Variants in ADAM32 observed in about 807,000 individuals in gnomAD.
ADAM32 encodes ADAM metallopeptidase domain 32.
In ADAM32, 89 loss-of-function variants were observed where a neutral mutation model predicts 114.9. That is an observed-to-expected ratio of 0.77 (90% confidence interval 0.65 to 0.92). The LOEUF (loss-of-function observed/expected upper bound fraction) is 0.92. Among genes scored for constraint, ADAM32 ranks in the 40% least tolerant of loss-of-function variants. The pLI is 0.00. For missense variants in ADAM32, 870 were observed against 932.8 expected (o/e 0.93, Z 0.88); for synonymous variants, 285 against 307.5 (o/e 0.93, Z 0.77).
intron 10 of ADAM32, among the ~76,000 whole-genome samples, chr8:39,178,630 A>C (rs1407985379): frequency 2.6e-5 from 4 of 151,732 alleles, no homozygotes; most frequent in Non-Finnish European, 5.9e-5. Context: ...TTTTGCATTG[A>C]TTTTTCTCAT....
At chr8:39,174,690 TGA>T (rs1419600831) in intron 10 of ADAM32, among the ~76,000 whole-genome samples, 5 of 111,860 alleles carry the variant, frequency 4.5e-5, no homozygotes, top group Non-Finnish European at 9.0e-5. Flanking sequence ...ACCCAGAGTG[TGA>T]TAGTTTTTTT....
At chr8:39,183,009 A>G (rs560755598) in intron 10 of ADAM32, among the ~76,000 whole-genome samples, 1 of 152,322 alleles carries the variant, frequency 6.6e-6, no homozygotes, top group East Asian at 1.9e-4. Flanking sequence ...TCCGTGGTCT[A>G]GTGAGACCAC....
intron 22 of ADAM32, among the ~76,000 whole-genome samples, chr8:39,278,723 T>C (rs1439228444): frequency 6.6e-6 from 1 of 152,038 alleles, no homozygotes; most frequent in East Asian, 1.9e-4. Flanking sequence ...TATCAGTTGC[T>C]TTGCTCTCAC....
chr8:39,216,491 T>C (rs916201194), intron 12 of ADAM32, among the ~76,000 whole-genome samples: 1 of 151,948 alleles, frequency 6.6e-6, no homozygotes, highest in Admixed American at 6.6e-5. Flanking sequence ...CTCTTTCCTT[T>C]CCTTCCCTTC....
rs150321881 is a variant in ADAM32 at position 39,251,775 on chromosome 8, T to G, written c.1903-2639T>G. ...TGTTTCCTGTGCTTTTGAGGTTATA[T>G]CCAAAAAATAATTACATAATCAGTG... On this transcript the variant is annotated intron_variant, in intron 17 of 24. Coordinates refer to ENST00000379907, the MANE Select transcript of ADAM32 (RefSeq NM_145004.7). Among the ~76,000 whole-genome samples, 643 of 151,726 alleles carry G rather than the reference T, an allele frequency of 4.2e-3. 2 individuals carry two copies. Among genetic ancestry groups the G allele is most frequent in the African/African-American group, 0.015 (613 of 41,518 alleles).
intron 11 of ADAM32, among the ~76,000 whole-genome samples, chr8:39,191,903 A>C (rs1806637902): frequency 6.6e-6 from 1 of 152,154 alleles, no homozygotes; most frequent in Non-Finnish European, 1.5e-5. Context: ...TAAGTCTTTA[A>C]TCAATCTTGA....
intron 10 of ADAM32, among the ~76,000 whole-genome samples, chr8:39,173,975 C>G (rs1805355447): frequency 1.3e-5 from 2 of 152,172 alleles, no homozygotes; most frequent in South Asian, 4.1e-4. Context: ...CAGACGTGCA[C>G]TGCCACACTT....
intron 12 of ADAM32, among the ~76,000 whole-genome samples, chr8:39,220,729 T>G (rs1449520265): frequency 2.6e-5 from 4 of 152,100 alleles, no homozygotes; most frequent in Non-Finnish European, 5.9e-5. Context: ...TTTTCTAAGT[T>G]CTTGTTATTG....
intron 6 of ADAM32, among the ~76,000 whole-genome samples, chr8:39,152,597 C>T (rs1803899127): frequency 2.0e-5 from 3 of 152,186 alleles, no homozygotes; most frequent in Admixed American, 2.0e-4. Flanking sequence ...TGGCAGACGC[C>T]TGTAATCCCA....
intron 11 of ADAM32, among the ~76,000 whole-genome samples, chr8:39,204,924 G>A (rs552736944): frequency 2.7e-4 from 41 of 152,324 alleles, no homozygotes; most frequent in East Asian, 1.2e-3. Context: ...TATCAGCAGC[G>A]GAAGCTGTAG....
At chr8:39,171,660 T>A (rs930033095) in intron 10 of ADAM32, among the ~76,000 whole-genome samples, 1 of 152,088 alleles carries the variant, frequency 6.6e-6, no homozygotes, top group African/African-American at 2.4e-5. Context: ...ATAATTTCCA[T>A]TTAAGTTCTT....
intron 19 of ADAM32, among the ~76,000 whole-genome samples, chr8:39,260,611 A>G (rs1458517850): frequency 6.6e-6 from 1 of 152,160 alleles, no homozygotes; most frequent in Non-Finnish European, 1.5e-5. Context: ...CCACTTGATC[A>G]TGGTGTATCA....
intron 3 of ADAM32, among the ~76,000 whole-genome samples, chr8:39,141,090 T>TTA (rs1803123907): frequency 6.6e-6 from 1 of 152,186 alleles, no homozygotes; most frequent in Non-Finnish European, 1.5e-5. Flanking sequence ...TTTTCTTCTT[T>TTA]ATTAGTCTTG....
chr8:39,137,906 G>T (rs1220102949), intron 3 of ADAM32, among the ~76,000 whole-genome samples: 2 of 152,164 alleles, frequency 1.3e-5, no homozygotes, highest in Non-Finnish European at 2.9e-5. Flanking sequence ...AAAGATCTTT[G>T]TGAAGAGTAT....
chr8:39,264,798 G>A (rs7013701), intron 19 of ADAM32, among the ~76,000 whole-genome samples: 41,196 of 151,886 alleles, frequency 0.27, 5,857 homozygotes, highest in African/African-American at 0.34. Flanking sequence ...CCTTAATTTC[G>A]TTATTTACCA....
At chr8:39,112,691 T>TGTTTTG (rs1840214410) in intron 1 of ADAM32, among the ~76,000 whole-genome samples, 2 of 152,312 alleles carry the variant, frequency 1.3e-5, no homozygotes, top group East Asian at 3.9e-4. Flanking sequence ...GATGTTAAAC[T>TGTTTTG]ATCACCACCC....
At chr8:39,207,335 C>A (rs1304702387) in intron 11 of ADAM32, among the ~76,000 whole-genome samples, 5 of 152,064 alleles carry the variant, frequency 3.3e-5, no homozygotes, top group African/African-American at 9.7e-5. Flanking sequence ...CCCTCCTATT[C>A]CTGATATATC....
chr8:39,211,457 A>G (rs1383159120), intron 12 of ADAM32, 133 bp downstream of exon 12: 5 of 892,362 alleles, frequency 5.6e-6, no homozygotes, highest in Non-Finnish European at 7.7e-6. Context: ...GGGTCGAAAT[A>G]CATACAAGAA....
intron 6 of ADAM32, among the ~76,000 whole-genome samples, chr8:39,154,065 G>A (rs1276659132): frequency 9.3e-6 from 1 of 107,328 alleles, no homozygotes. Flanking sequence ...TATACTTTAA[G>A]TTCTGGGGTA....
Sources: allele counts gnomAD v4.1 joint callset (sites outside exome capture counted in the v4.1 genomes callset), GRCh38; gene constraint gnomAD v4.1.1; transcripts MANE v1.5; gene names NCBI Gene and HGNC (gene_info 2026-07-23, HGNC 2026-07-21).